COL11A1: variants seen among roughly 807,000 people sequenced by gnomAD.
COL11A1 encodes collagen type XI alpha 1 chain.
A neutral mutation model predicts 265.2 loss-of-function variants in COL11A1; 74 were observed. The observed-to-expected ratio is 0.28, with a 90% CI of 0.23 to 0.34. The LOEUF (loss-of-function observed/expected upper bound fraction) is 0.34, where lower values mean the gene tolerates loss of function less well. Among genes scored for constraint, COL11A1 ranks in the 10% least tolerant of loss-of-function variants. COL11A1 has a pLI of 1.00. For missense variants in COL11A1, 2,165 were observed against 2,263.6 expected (o/e 0.96, Z 0.88); for synonymous variants, 816 against 727.6 (o/e 1.12, Z -1.96).
At chr1:102,992,567 A>G (rs1343708804) in intron 28 of COL11A1, among the ~76,000 whole-genome samples, 1 of 152,086 alleles carries the variant, frequency 6.6e-6, no homozygotes, top group Non-Finnish European at 1.5e-5. Context: ...TTAAAAAGTC[A>G]TCAGGGCTTA....
At chr1:103,002,385 T>G in intron 23 of COL11A1, 43 bp downstream of exon 23, 1 of 1,504,898 alleles carries the variant, frequency 6.6e-7, no homozygotes, top group Non-Finnish European at 9.2e-7. Context: ...AGATAGCATC[T>G]TCCCCCCATT....
chr1:102,962,591 G>A, intron 39 of COL11A1, 62 bp downstream of exon 39: 2 of 1,344,502 alleles, frequency 1.5e-6, no homozygotes, highest in Non-Finnish European at 2.1e-6. Flanking sequence ...GACAAGGGGT[G>A]AGTATAGTTA....
intron 63 of COL11A1, 141 bp from the exon 64 acceptor site, chr1:102,883,452 T>G: frequency 1.5e-6 from 1 of 664,596 alleles, no homozygotes; most frequent in East Asian, 2.7e-5. Flanking sequence ...TTGGGCATAT[T>G]GGGGTACGGT....
At chr1:102,920,744 C>T (rs945267944) in intron 48 of COL11A1, among the ~76,000 whole-genome samples, 8 of 152,134 alleles carry the variant, frequency 5.3e-5, no homozygotes, top group African/African-American at 1.9e-4. Flanking sequence ...AAACAAACCC[C>T]TTATAACATC....
chr1:103,029,701 C>A (rs940139300), intron 5 of COL11A1, among the ~76,000 whole-genome samples: 1 of 151,920 alleles, frequency 6.6e-6, no homozygotes, highest in Non-Finnish European at 1.5e-5. Flanking sequence ...CTAGTAAAAC[C>A]AAGTTTGACA....
chr1:103,007,262 G>T (rs565929275), intron 15 of COL11A1, among the ~76,000 whole-genome samples: 4 of 152,198 alleles, frequency 2.6e-5, no homozygotes, highest in Admixed American at 2.0e-4. Flanking sequence ...CAGATTAAAG[G>T]TTTAAAATTC....
At chr1:102,976,289 C>CTGTTTTTTT (rs1662463356) in intron 35 of COL11A1, among the ~76,000 whole-genome samples, 1 of 58,578 alleles carries the variant, frequency 1.7e-5, no homozygotes, top group African/African-American at 5.4e-5. Context: ...AAAACGTTGG[C>CTGTTTTTTT]TTTTTTTTTT....
chr1:102,897,909 GTGC>G (rs1217885591), intron 57 of COL11A1, among the ~76,000 whole-genome samples: 1 of 152,090 alleles, frequency 6.6e-6, no homozygotes, highest in African/African-American at 2.4e-5. Flanking sequence ...TTCATCCAAA[GTGC>G]ATAAGAAAGA....
chr1:102,881,844 A>G (rs926999246), intron 64 of COL11A1, 79 bp from the exon 65 acceptor site: 5 of 1,012,044 alleles, frequency 4.9e-6, no homozygotes, highest in East Asian at 2.6e-5. Context: ...CATATAATTC[A>G]TTTTCAGTAA....
In COL11A1 at chr1:103,014,549, G is replaced by A; in HGVS notation, c.1534C>T (p.Gln512Ter). 1 of 1,613,754 alleles carries A rather than the reference G, an allele frequency of 6.2e-7. No homozygotes were observed. The highest frequency in any genetic ancestry group is 8.5e-7 in the Non-Finnish European group (1 of 1,179,774). ...DGSKGPTISA[Q>*]EAQAQAILQQ... is the part of the protein sequence containing the mutation. ...AGAATAGCTTGAGCCTGAGCTTCCT[G>A]AGCAGAGATGGTTGGTCCTTTGGAA... Residue 512 changes from glutamine to a stop codon, truncating the protein, a stop_gained, in exon 13 of 67, where the codon CAG (glutamine) becomes TAG (stop). Coordinates refer to ENST00000370096, the MANE Select transcript of COL11A1 (RefSeq NM_001854.4). LOFTEE classifies it high-confidence loss of function.
chr1:102,999,999 G>A (rs1664967876), intron 24 of COL11A1, among the ~76,000 whole-genome samples: 2 of 151,722 alleles, frequency 1.3e-5, no homozygotes, highest in Admixed American at 1.3e-4. Context: ...CAGATCAGAG[G>A]CAGAAGCAGT....
intron 4 of COL11A1, among the ~76,000 whole-genome samples, chr1:103,066,727 A>G (rs1671182057): frequency 6.6e-6 from 1 of 151,986 alleles, no homozygotes; most frequent in East Asian, 1.9e-4. Flanking sequence ...GTTTCATGAC[A>G]CCAATTAAAA....
intron 1 of COL11A1, among the ~76,000 whole-genome samples, chr1:103,089,391 C>T (rs1293433050): frequency 6.6e-6 from 1 of 152,122 alleles, no homozygotes; most frequent in Admixed American, 6.5e-5. Context: ...TTAGATCACC[C>T]TACACTATTT....
intron 45 of COL11A1, 77 bp downstream of exon 45, chr1:102,934,979 TTGAC>T (rs1254199921): frequency 7.2e-5 from 96 of 1,336,002 alleles, no homozygotes; most frequent in Non-Finnish European, 1.0e-4. Flanking sequence ...CCCCACAAAA[TTGAC>T]TGGTTATGGG....
chr1:103,008,478 A>G lies in COL11A1; in HGVS notation c.1668T>C (p.Gly556=). Residue 556 remains glycine, a synonymous_variant, in exon 15 of 67, where the codon GGT becomes GGC. Coordinates refer to ENST00000370096, the MANE Select transcript of COL11A1 (RefSeq NM_001854.4). The stretch of plus-strand genomic sequence containing the variant: ...TATTTTTTACCTGAGGACCTGGATC[A>G]CCACTCTCACCTTTGGCCCCAGATG... The part of the protein sequence containing the change: ...PGSSGAKGES[G]DPGPQGPRGV... The G allele has an allele frequency of 6.2e-7, 1 of 1,613,928 alleles. No homozygotes were observed. Among genetic ancestry groups the G allele is most frequent in the Non-Finnish European group, 8.5e-7 (1 of 1,179,880 alleles).
chr1:102,977,310 C>T (rs1238946081), intron 35 of COL11A1, among the ~76,000 whole-genome samples: 1 of 152,064 alleles, frequency 6.6e-6, no homozygotes, highest in Non-Finnish European at 1.5e-5. Context: ...GAAATATGTT[C>T]TTCCTGTATA....
intron 1 of COL11A1, among the ~76,000 whole-genome samples, chr1:103,105,104 T>C (rs962946234): frequency 6.6e-6 from 1 of 152,070 alleles, no homozygotes; most frequent in Non-Finnish European, 1.5e-5. Flanking sequence ...AGTGCTTCAT[T>C]ATAGCTAAGT....
intron 2 of COL11A1, among the ~76,000 whole-genome samples, chr1:103,080,109 T>C (rs1672287475): frequency 6.6e-6 from 1 of 151,924 alleles, no homozygotes; most frequent in African/African-American, 2.4e-5. Flanking sequence ...TAGAATCGTA[T>C]GCAGCCACTT....
intron 39 of COL11A1, 28 bp downstream of exon 39, chr1:102,962,624 CA>C (rs780836034): frequency 8.1e-6 from 13 of 1,606,396 alleles, no homozygotes; most frequent in South Asian, 5.5e-5. Context: ...AGTTTTGGGC[CA>C]AAAAAAGTTT....
Sources: allele counts gnomAD v4.1 joint callset (sites outside exome capture counted in the v4.1 genomes callset), GRCh38; gene constraint gnomAD v4.1.1; transcripts MANE v1.5; gene names NCBI Gene and HGNC (gene_info 2026-07-23, HGNC 2026-07-21).